Variants in PTPN3 observed in about 807,000 individuals in gnomAD.
The protein encoded by PTPN3 is tyrosine-protein phosphatase non-receptor type 3.
PTPN3 carries 96 observed loss-of-function variants against 132.7 expected under a neutral mutation model. The ratio of observed to expected loss-of-function variants is 0.72; its 90% CI spans 0.61 to 0.86. The LOEUF (loss-of-function observed/expected upper bound fraction) is 0.86. PTPN3 is among the 40% of genes least tolerant of loss of function. The pLI is 0.00. For missense variants in PTPN3, 1,125 were observed against 1,159.6 expected (o/e 0.97, Z 0.43); for synonymous variants, 398 against 429.0 (o/e 0.93, Z 0.89).
intron 1 of PTPN3, among the ~76,000 whole-genome samples, chr9:109,476,038 T>C (rs1329362542): frequency 6.6e-6 from 1 of 152,234 alleles, no homozygotes; most frequent in Non-Finnish European, 1.5e-5. Flanking sequence ...CTCACTTTTC[T>C]CTGGCTCGGT....
At chr9:109,488,573 G>T (rs967962571) in intron 1 of PTPN3, among the ~76,000 whole-genome samples, 1 of 152,202 alleles carries the variant, frequency 6.6e-6, no homozygotes, top group Non-Finnish European at 1.5e-5. Flanking sequence ...GCACTGGACA[G>T]TGTTCTTAAA....
intron 22 of PTPN3, among the ~76,000 whole-genome samples, chr9:109,385,900 C>A (rs943695405): frequency 5.9e-5 from 9 of 152,168 alleles, no homozygotes; most frequent in African/African-American, 2.2e-4. Flanking sequence ...CGAGAAGAGG[C>A]TTCAGGAAGG....
At chr9:109,534,655 A>AT in the PTPN3 span, among the ~76,000 whole-genome samples, 2 of 139,378 alleles carry the variant, frequency 1.4e-5, 1 homozygote, top group Admixed American at 1.4e-4. Context: ...AAAAAAAAAT[A>AT]CCTGGGCGTG....
the PTPN3 span, among the ~76,000 whole-genome samples, chr9:109,507,145 A>G: frequency 1.3e-5 from 2 of 152,166 alleles, no homozygotes; most frequent in Admixed American, 6.5e-5. Flanking sequence ...TCTCACTACT[A>G]CTGGAAATTC....
intron 1 of PTPN3, among the ~76,000 whole-genome samples, chr9:109,491,049 A>G (rs1847439168): frequency 6.7e-6 from 1 of 149,398 alleles, no homozygotes; most frequent in Non-Finnish European, 1.5e-5. Context: ...TACAAACATT[A>G]GCCGGGCATG....
At chr9:109,408,796 A>AAAAAAATATATATATAT (rs1377996219) in intron 16 of PTPN3, among the ~76,000 whole-genome samples, 4 of 108,372 alleles carry the variant, frequency 3.7e-5, no homozygotes, top group African/African-American at 1.5e-4. Context: ...AAAAAAAAAA[A>AAAAAAATATATATATAT]ATATATATAT....
intron 18 of PTPN3, among the ~76,000 whole-genome samples, chr9:109,406,176 C>A (rs371562227): frequency 1.3e-5 from 2 of 152,104 alleles, no homozygotes; most frequent in Non-Finnish European, 1.5e-5. Flanking sequence ...ATGTGGGCTG[C>A]GCTGGGCCTG....
chr9:109,454,583 T>C lies in PTPN3; in HGVS notation c.290-9A>G. On this transcript the variant is annotated splice_polypyrimidine_tract_variant and intron_variant, in intron 4 of 25. Coordinates refer to ENST00000374541, the MANE Select transcript of PTPN3 (RefSeq NM_002829.4). ...GGTACAGGGGAAACCTCCTACAACA[T>C]TTTTCAAAAACAAATTAAATTTTCC... 1 of 1,606,624 alleles carries C rather than the reference T, an allele frequency of 6.2e-7. No homozygotes were observed. Among genetic ancestry groups the C allele is most frequent in the Non-Finnish European group, 8.5e-7 (1 of 1,174,486 alleles).
chr9:109,466,049 CT>C (rs1411067122), intron 1 of PTPN3, among the ~76,000 whole-genome samples: 3 of 152,124 alleles, frequency 2.0e-5, no homozygotes, highest in Non-Finnish European at 2.9e-5. Flanking sequence ...AGTTCACTCA[CT>C]AGTGCTTACC....
chr9:109,503,342 G>A, the PTPN3 span, among the ~76,000 whole-genome samples: 1 of 152,112 alleles, frequency 6.6e-6, no homozygotes, highest in African/African-American at 2.4e-5. Context: ...GTGTTCTAAG[G>A]CTCCTGGACT....
At chr9:109,444,142 G>A (rs566091743) in intron 7 of PTPN3, among the ~76,000 whole-genome samples, 13 of 152,310 alleles carry the variant, frequency 8.5e-5, no homozygotes, top group Admixed American at 3.3e-4. Context: ...TCACACAGTA[G>A]GTCAACAGGG....
the PTPN3 span, among the ~76,000 whole-genome samples, chr9:109,525,101 A>C: frequency 3.3e-5 from 5 of 151,512 alleles, no homozygotes; most frequent in Admixed American, 6.6e-5. Flanking sequence ...GCTGAGGTGC[A>C]GTGGCATGAT....
chr9:109,488,617 C>T (rs148622498), intron 1 of PTPN3, among the ~76,000 whole-genome samples: 41 of 152,290 alleles, frequency 2.7e-4, no homozygotes, highest in Non-Finnish European at 4.7e-4. Context: ...CAGAAAATAG[C>T]TCCATTATCT....
the PTPN3 span, among the ~76,000 whole-genome samples, chr9:109,525,721 A>T: frequency 1.3e-5 from 2 of 152,232 alleles, no homozygotes; most frequent in African/African-American, 4.8e-5. Context: ...AGGGTCTAGC[A>T]AGATGACTTT....
At chr9:109,483,714 C>T (rs78919659) in intron 1 of PTPN3, among the ~76,000 whole-genome samples, 5,326 of 152,298 alleles carry the variant, frequency 0.035, 204 homozygotes, top group East Asian at 0.22. Context: ...TCATCACCCA[C>T]AATCTGATTC....
At chr9:109,393,852 CTAAA>C (rs777958761) in intron 19 of PTPN3, among the ~76,000 whole-genome samples, 1 of 152,086 alleles carries the variant, frequency 6.6e-6, no homozygotes, top group East Asian at 1.9e-4. Context: ...TTTTCTCTTA[CTAAA>C]TAAATAAATT....
At position 109,433,106 on chromosome 9, in the gene PTPN3, T is replaced by G. The variant is rs1275876007; in HGVS notation, c.731A>C (p.Tyr244Ser). Residue 244 changes from tyrosine to serine, a missense_variant, in exon 10 of 26, where the codon TAC (tyrosine) becomes TCC (serine). Tyr to Ser is a moderately radical substitution (Grantham distance 144, BLOSUM62 -2). Transcript: ENST00000374541. ...GAAACTTGTGCAAATGTATTTTCGGTACACAGCAACACCCGCGGAAGCAAT... is the reference window on the plus strand; with the variant it reads ...GAAACTTGTGCAAATGTATTTTCGGGACACAGCAACACCCGCGGAAGCAAT... ...IGIASAGVAVYRKYICTSFYP... is the reference protein window; with the variant it reads ...IGIASAGVAVSRKYICTSFYP... 1.9e-6 allele frequency: 3 copies of G among 1,614,074 alleles called. No homozygotes were observed. Among genetic ancestry groups the G allele is most frequent in the Non-Finnish European group, 2.5e-6 (3 of 1,180,032 alleles).
intron 21 of PTPN3, among the ~76,000 whole-genome samples, chr9:109,390,307 T>C (rs915144362): frequency 6.6e-6 from 1 of 152,234 alleles, no homozygotes; most frequent in Non-Finnish European, 1.5e-5. Context: ...TGAGAAATCA[T>C]CTGTCTATTT....
At position 109,406,561 on chromosome 9, in the gene PTPN3, G is replaced by A. The variant is rs771629529; in HGVS notation, c.1693C>T (p.Arg565Trp). 8.7e-6 allele frequency: 14 copies of A among 1,614,000 alleles called. No homozygotes were observed. Among genetic ancestry groups the A allele is most frequent in the Non-Finnish European group, 1.1e-5 (13 of 1,180,042 alleles). Residue 565 changes from arginine (R) to tryptophan (W), a missense_variant, in exon 18 of 26, where the codon CGG becomes TGG. By Grantham distance (101) the Arg-to-Trp change is moderately radical (BLOSUM62 -3). Transcript: ENST00000374541. ...EGDQIVLING[R>W]DISEHTHDQV... The stretch of plus-strand genomic sequence containing the variant: ...TCATGCGTGTGTTCTGAGATGTCCC[G>A]GCCATTGATTAACACGATTTGATCC...
Sources: gnomAD v4.1 joint callset for allele counts (sites outside exome capture counted in the v4.1 genomes callset) on GRCh38, gnomAD v4.1.1 for gene constraint, MANE v1.5 for transcripts, NCBI Gene and HGNC (gene_info 2026-07-23, HGNC 2026-07-21) for gene names.